The following KLHL32 variants were observed in gnomAD, a reference collection of about 807,000 sequenced individuals.
The protein encoded by KLHL32 is kelch-like protein 32.
KLHL32 carries 35 observed loss-of-function variants against 64.8 expected under a neutral mutation model. That is an observed-to-expected ratio of 0.54 (90% CI 0.41 to 0.72). The LOEUF is 0.72. Among genes scored for constraint, KLHL32 ranks in the 30% least tolerant of loss-of-function variants. KLHL32 has a pLI of 0.00. For synonymous variants in KLHL32, 259 were observed against 281.0 expected (o/e 0.92, Z 0.78); for missense variants, 589 against 768.5 (o/e 0.77, Z 2.76).
chr6:96,964,438 G>C (rs1230725948), intron 1 of KLHL32, among the ~76,000 whole-genome samples: 1 of 152,192 alleles, frequency 6.6e-6, no homozygotes, highest in Non-Finnish European at 1.5e-5. Flanking sequence ...TGGATCACAA[G>C]GTCAGGAGAT....
At chr6:96,985,801 C>G (rs534287453) in intron 3 of KLHL32, among the ~76,000 whole-genome samples, 1 of 152,124 alleles carries the variant, frequency 6.6e-6, no homozygotes, top group African/African-American at 2.4e-5. Context: ...TTTTTAACTT[C>G]TTTGCCATGG....
intron 3 of KLHL32, among the ~76,000 whole-genome samples, chr6:97,004,526 G>A (rs1317577694): frequency 6.6e-6 from 1 of 152,128 alleles, no homozygotes; most frequent in African/African-American, 2.4e-5. Context: ...GAATAGGAGT[G>A]GTGAGAGTGG....
chr6:96,943,539 A>G (rs745614352), intron 1 of KLHL32, among the ~76,000 whole-genome samples: 24 of 152,248 alleles, frequency 1.6e-4, no homozygotes, highest in Non-Finnish European at 2.6e-4. Flanking sequence ...GGATTCCTCC[A>G]CATTTTGTAT....
At chr6:97,014,399 A>G (rs1379259907) in intron 3 of KLHL32, among the ~76,000 whole-genome samples, 1 of 151,784 alleles carries the variant, frequency 6.6e-6, no homozygotes, top group East Asian at 1.9e-4. Flanking sequence ...ATTGGTATAT[A>G]GTATGTCTAT....
At chr6:97,062,539 C>A (rs1405168794) in intron 4 of KLHL32, 1 of 152,216 alleles carries the variant, frequency 6.6e-6, no homozygotes. Flanking sequence ...AACTTTTTCA[C>A]TTCTTTACTT....
Position 97,002,920 on chromosome 6 carries a change from T to C in KLHL32, c.204+26743T>C, listed in dbSNP as rs922847252. 2.0e-5 allele frequency among the ~76,000 whole-genome samples: 3 copies of C among 152,208 alleles called. No homozygotes were observed. In the East Asian group the frequency reaches 5.8e-4, roughly 29 times the overall value. ...TACTGTTAATGGGCATTTAGGTTGA[T>C]TTCATGTCTTTGCTATCGTAAATAA... On this transcript the variant is annotated intron_variant, in intron 3 of 10. Transcript: ENST00000369261.
intron 3 of KLHL32, among the ~76,000 whole-genome samples, chr6:97,039,417 T>C (rs1784788938): frequency 6.6e-6 from 1 of 151,978 alleles, no homozygotes. Context: ...GGGAGGATGA[T>C]GGGGATATTG....
intron 1 of KLHL32, among the ~76,000 whole-genome samples, chr6:96,961,540 T>C (rs1773883184): frequency 6.6e-6 from 1 of 152,190 alleles, no homozygotes; most frequent in Non-Finnish European, 1.5e-5. Flanking sequence ...CTAATCACTG[T>C]GGTGACAGTT....
chr6:97,040,403 A>T (rs1784940331), intron 3 of KLHL32, among the ~76,000 whole-genome samples: 1 of 152,202 alleles, frequency 6.6e-6, no homozygotes, highest in South Asian at 2.1e-4. Context: ...GATTTGCAGT[A>T]AATTGGCCAT....
intron 1 of KLHL32, among the ~76,000 whole-genome samples, chr6:96,933,378 T>G (rs1035722934): frequency 1.3e-5 from 2 of 152,160 alleles, no homozygotes; most frequent in Non-Finnish European, 2.9e-5. Flanking sequence ...ATGTGGAAAC[T>G]TAGAGTGCCT....
chr6:97,018,673 T>A (rs1325862997), intron 3 of KLHL32, among the ~76,000 whole-genome samples: 2 of 151,676 alleles, frequency 1.3e-5, no homozygotes, highest in Non-Finnish European at 2.9e-5. Flanking sequence ...ATTAGTCAGA[T>A]GCTAACAAAA....
chr6:97,030,347 C>T (rs1783356276), intron 3 of KLHL32, among the ~76,000 whole-genome samples: 1 of 152,174 alleles, frequency 6.6e-6, no homozygotes, highest in Non-Finnish European at 1.5e-5. Flanking sequence ...AAGAAAACGT[C>T]ACATACTGTG....
At chr6:97,056,370 G>T (rs1787943223) in intron 4 of KLHL32, among the ~76,000 whole-genome samples, 1 of 152,068 alleles carries the variant, frequency 6.6e-6, no homozygotes, top group Non-Finnish European at 1.5e-5. Flanking sequence ...CTCCCAAAGT[G>T]CTGGGATTAC....
At chr6:97,025,059 G>A in intron 3 of KLHL32, 1 of 985,020 alleles carries the variant, frequency 1.0e-6, no homozygotes, top group Non-Finnish European at 1.2e-6. Flanking sequence ...AAAGCTGATG[G>A]AATTTTTAAA....
chr6:97,041,354 A>C (rs1785087332), intron 3 of KLHL32, 138 bp from the exon 4 acceptor site: 1 of 612,396 alleles, frequency 1.6e-6, no homozygotes, highest in Non-Finnish European at 2.9e-6. Flanking sequence ...TGTGAATGAC[A>C]CTTTCTAGAA....
At chr6:96,958,988 T>C (rs933481881) in intron 1 of KLHL32, among the ~76,000 whole-genome samples, 2 of 152,118 alleles carry the variant, frequency 1.3e-5, no homozygotes, top group Admixed American at 6.5e-5. Flanking sequence ...ACAGTACTTA[T>C]GAAAGCTGGA....
At chr6:97,029,189 A>G (rs1220369804) in intron 3 of KLHL32, among the ~76,000 whole-genome samples, 1 of 152,182 alleles carries the variant, frequency 6.6e-6, no homozygotes, top group Non-Finnish European at 1.5e-5. Flanking sequence ...ACATGGCCAC[A>G]TTCAAGAGGA....
At chr6:97,039,243 T>A (rs1357702605) in intron 3 of KLHL32, among the ~76,000 whole-genome samples, 1 of 152,058 alleles carries the variant, frequency 6.6e-6, no homozygotes, top group Non-Finnish European at 1.5e-5. Flanking sequence ...GCAATGTGGA[T>A]GGAATTAGAG....
chr6:96,940,448 G>A (rs982895799), intron 1 of KLHL32, among the ~76,000 whole-genome samples: 2 of 152,174 alleles, frequency 1.3e-5, no homozygotes, highest in African/African-American at 4.8e-5. Context: ...CAAGGAGAGA[G>A]CATTTACTGA....
Sources: allele counts gnomAD v4.1 joint callset (sites outside exome capture counted in the v4.1 genomes callset), GRCh38; gene constraint gnomAD v4.1.1; transcripts MANE v1.5; gene names NCBI Gene and HGNC (gene_info 2026-07-23, HGNC 2026-07-21).